LASP1: variants seen among roughly 807,000 people sequenced by gnomAD.
LASP1 encodes LIM and SH3 protein 1.
A neutral mutation model predicts 38.6 loss-of-function variants in LASP1; 10 were observed. That is an observed-to-expected ratio of 0.26 (90% CI 0.16 to 0.44). The LOEUF is 0.44. Ranked by LOEUF, LASP1 falls within the 20% of genes least tolerant of loss-of-function variation. The pLI is 1.00. For missense variants in LASP1, 243 were observed against 375.7 expected (o/e 0.65, Z 2.92); for synonymous variants, 132 against 140.8 (o/e 0.94, Z 0.44).
chr17:38,919,130 C>A lies in LASP1; in HGVS notation c.*352C>A. On this transcript the variant is annotated 3_prime_UTR_variant, in exon 7 of 7. Coordinates refer to ENST00000318008, the MANE Select transcript of LASP1 (RefSeq NM_006148.4). ...TCCTGCCCAGCTCCTCACATACCCACACATTCCAGGGCTGGGGTGAGCCTG... is the reference window on the plus strand; with the variant it reads ...TCCTGCCCAGCTCCTCACATACCCAAACATTCCAGGGCTGGGGTGAGCCTG... 1 of 353,652 alleles carries A rather than the reference C, an allele frequency of 2.8e-6. No individual in the cohort carries two copies. 21.9% of individuals were successfully genotyped at this position (353,652 alleles called of 1,614,324 possible). A position where few individuals can be genotyped will look rare whatever the true frequency, so the allele number is the denominator to read the frequency against.
At chr17:38,901,777 T>G (rs1347837386) in intron 4 of LASP1, among the ~76,000 whole-genome samples, 5 of 152,100 alleles carry the variant, frequency 3.3e-5, no homozygotes, top group Non-Finnish European at 7.4e-5. Context: ...TTTATTTTTA[T>G]TTTTTTGAGA....
chr17:38,870,259 G>T lies in LASP1; in HGVS notation c.69+1G>T. On this transcript the variant is annotated splice_donor_variant, in intron 1 of 6. Coordinates refer to ENST00000318008, the MANE Select transcript of LASP1 (RefSeq NM_006148.4). LOFTEE classifies it high-confidence loss of function. ...GGAGAAGGTGAACTGTCTGGATAAG[G>T]TGAGCCCGGGACCGGGAGACGCGTC... The T allele has an allele frequency of 6.2e-7, 1 of 1,613,550 alleles. No homozygotes were observed. The highest frequency in any genetic ancestry group is 2.2e-5 in the East Asian group (1 of 44,798).
intron 3 of LASP1, among the ~76,000 whole-genome samples, chr17:38,891,195 A>AGGTGG (rs1361272060): frequency 3.2e-5 from 3 of 94,534 alleles, no homozygotes; most frequent in Admixed American, 2.4e-4. Context: ...GCCAGTGATG[A>AGGTGG]GGTGGGGTGG....
At chr17:38,903,770 G>A (rs1914706600) in intron 4 of LASP1, 1 of 152,230 alleles carries the variant, frequency 6.6e-6, no homozygotes, top group South Asian at 2.1e-4. Flanking sequence ...ATAAAGTGAA[G>A]TTTGGCAGAA....
At chr17:38,898,848 A>G (rs1404359338) in intron 4 of LASP1, 2 of 442,116 alleles carry the variant, frequency 4.5e-6, no homozygotes, top group Non-Finnish European at 4.6e-6. Context: ...TCATCTTAGC[A>G]CAAAGGTCAA....
intron 2 of LASP1, among the ~76,000 whole-genome samples, chr17:38,884,663 TA>T (rs1260433955): frequency 6.7e-6 from 1 of 150,374 alleles, no homozygotes; most frequent in African/African-American, 2.5e-5. Flanking sequence ...GTGCTAGGAT[TA>T]CAGCGTGAGC....
intron 4 of LASP1, among the ~76,000 whole-genome samples, chr17:38,912,887 T>C (rs745657978): frequency 3.3e-5 from 5 of 152,174 alleles, no homozygotes; most frequent in Non-Finnish European, 5.9e-5. Context: ...TGAGGTTTCT[T>C]TCTGGTAGTG....
intron 2 of LASP1, among the ~76,000 whole-genome samples, chr17:38,878,697 C>G (rs1913854007): frequency 6.6e-6 from 1 of 152,126 alleles, no homozygotes; most frequent in African/African-American, 2.4e-5. Flanking sequence ...GTGGTTCCTT[C>G]AAGAAAACTC....
At chr17:38,909,060 A>G (rs1456152054) in intron 4 of LASP1, among the ~76,000 whole-genome samples, 4 of 152,182 alleles carry the variant, frequency 2.6e-5, no homozygotes, top group African/African-American at 7.2e-5. Context: ...GGGAACAGGA[A>G]GTGAAGTTGG....
intron 2 of LASP1, among the ~76,000 whole-genome samples, chr17:38,885,488 C>A (rs1035993358): frequency 1.6e-4 from 25 of 152,334 alleles, no homozygotes; most frequent in African/African-American, 5.8e-4. Context: ...TCCCTGCAAA[C>A]TCCCCAGAGC....
intron 3 of LASP1, among the ~76,000 whole-genome samples, chr17:38,897,659 A>C (rs1434362071): frequency 6.6e-6 from 1 of 152,078 alleles, no homozygotes; most frequent in Non-Finnish European, 1.5e-5. Context: ...TCTTCCCTGG[A>C]GCTTGGAGAC....
chr17:38,876,215 G>C (rs1913771885), intron 1 of LASP1, among the ~76,000 whole-genome samples: 1 of 127,808 alleles, frequency 7.8e-6, no homozygotes, highest in Admixed American at 9.4e-5. Context: ...GTCTTGCTCT[G>C]TCACCCAGGC....
intron 2 of LASP1, among the ~76,000 whole-genome samples, chr17:38,878,903 C>T (rs937164736): frequency 6.6e-6 from 1 of 152,066 alleles, no homozygotes; most frequent in Non-Finnish European, 1.5e-5. Context: ...CAGCAGCTGA[C>T]GGTAGGGAGG....
At chr17:38,892,961 G>A (rs531912609) in intron 3 of LASP1, among the ~76,000 whole-genome samples, 39 of 151,720 alleles carry the variant, frequency 2.6e-4, no homozygotes, top group Admixed American at 1.5e-3. Context: ...GTGTGTGTAT[G>A]TGTGTGTGTG....
intron 1 of LASP1, 85 bp downstream of exon 1, chr17:38,870,343 G>A (rs1057108482): frequency 6.9e-6 from 10 of 1,456,408 alleles, no homozygotes; most frequent in African/African-American, 5.6e-5. Flanking sequence ...GGTCTTTGCC[G>A]CCTTATCCCC....
chr17:38,885,549 A>G (rs938625758), intron 2 of LASP1, among the ~76,000 whole-genome samples: 1 of 152,086 alleles, frequency 6.6e-6, no homozygotes, highest in Admixed American at 6.5e-5. Context: ...AGAGCCCACC[A>G]CCCACTTGGA....
At chr17:38,914,633 T>C (rs1915056498) in intron 5 of LASP1, among the ~76,000 whole-genome samples, 158 bp downstream of exon 5, 1 of 151,518 alleles carries the variant, frequency 6.6e-6, no homozygotes, top group Admixed American at 6.6e-5. Flanking sequence ...CCAGAGGACC[T>C]GAGGCCGGGC....
chr17:38,885,860 A>C (rs1007147307), intron 2 of LASP1, among the ~76,000 whole-genome samples: 1 of 152,198 alleles, frequency 6.6e-6, no homozygotes, highest in Non-Finnish European at 1.5e-5. Flanking sequence ...AGGTCAAATC[A>C]GTTGGAGCTT....
intron 6 of LASP1, chr17:38,915,820 G>A (rs78443405): frequency 0.097 from 14,835 of 152,226 alleles, 821 homozygotes; most frequent in East Asian, 0.17. Context: ...CCACCCATGG[G>A]TGCCGCTGAG....
Sources: gnomAD v4.1 joint callset for allele counts (sites outside exome capture counted in the v4.1 genomes callset) on GRCh38, gnomAD v4.1.1 for gene constraint, MANE v1.5 for transcripts, NCBI Gene and HGNC (gene_info 2026-07-23, HGNC 2026-07-21) for gene names.